CNPY2: variants seen among roughly 807,000 people sequenced by gnomAD.
CNPY2 encodes the protein protein canopy homolog 2.
Under a neutral mutation model 25.5 loss-of-function variants are expected in CNPY2, and 19 were observed. The ratio of observed to expected loss-of-function variants is 0.74; its 90% CI spans 0.52 to 1.09. The LOEUF (loss-of-function observed/expected upper bound fraction) is 1.09, where lower values mean the gene tolerates loss of function less well. Ranked by LOEUF, CNPY2 falls within the 50% of genes least tolerant of loss-of-function variation. The probability of loss-of-function intolerance (pLI) is 0.00; values close to 1 mark genes in which losing one functional copy is unlikely to be tolerated. For synonymous variants in CNPY2, 82 were observed against 85.0 expected, an observed-to-expected ratio of 0.96 and a Z score of 0.19; for missense variants, 214 against 233.6, an observed-to-expected ratio of 0.92 and a Z score of 0.55.
chr12:56,310,661 A>G, intron 5 of CNPY2, 66 bp from the exon 6 acceptor site: 1 of 1,556,818 alleles, frequency 6.4e-7, no homozygotes, highest in Non-Finnish European at 8.9e-7. Context: ...GTATCAAGAA[A>G]ATTTCCCAGA....
intron 3 of CNPY2, among the ~76,000 whole-genome samples, chr12:56,313,896 G>A (rs553403655): frequency 2.7e-5 from 4 of 149,332 alleles, no homozygotes; most frequent in South Asian, 2.1e-4. Flanking sequence ...GTGAGCCACC[G>A]CGCCCGGCCT....
Position 56,310,522 on chromosome 12 carries a change from C to T in CNPY2, c.*30G>A. 1 of 1,612,086 alleles carries T rather than the reference C, an allele frequency of 6.2e-7. No individual in the cohort carries two copies. The highest frequency in any genetic ancestry group is 8.5e-7 in the Non-Finnish European group (1 of 1,178,106). ...CCATTTTCCCCTCCTGGGGGTGATC[C>T]ATCAAGCCAGTGTGGGCTGCTCCAG... On this transcript the variant is annotated 3_prime_UTR_variant, in exon 6 of 6. Transcript: ENST00000273308.
rs558834553 is a variant in CNPY2, at chr12:56,313,536, G to A, written c.204+1315C>T. ...GTTTAAATTGAGACTAATATCCTCA[G>A]TAAGCACAGTATTAAAGATGTAGTG... On this transcript the variant is annotated intron_variant, in intron 3 of 5. Coordinates refer to ENST00000273308, the MANE Select transcript of CNPY2 (RefSeq NM_014255.7). Among the ~76,000 whole-genome samples the A allele has an allele frequency of 2.3e-3, 350 of 151,912 alleles. 3 individuals are homozygous for A. The highest frequency in any genetic ancestry group is 7.4e-4 in the Non-Finnish European group (50 of 67,970).
chr12:56,311,105 G>A (rs1310782965), intron 4 of CNPY2, 51 bp from the exon 5 acceptor site: 1 of 1,602,470 alleles, frequency 6.2e-7, no homozygotes, highest in African/African-American at 1.3e-5. Flanking sequence ...GAGGCCTCTT[G>A]CCTTCACTTC....
chr12:56,311,895 T>A (rs559119438), intron 3 of CNPY2: 9 of 160,846 alleles, frequency 5.6e-5, no homozygotes, highest in African/African-American at 1.9e-4. Context: ...TTATTTATTT[T>A]TTTGAGACGG....
rs1236086267 is a variant in CNPY2 at position 56,310,091 on chromosome 12, TCTTA to T, written c.*457_*460del. Reference sequence around the variant, plus strand: ...TTATTTCCTTCAAGACCAAGCCCTGTCTTACTTTATGTTTCAACAGCCATGAACA... The same window carrying T: ...TTATTTCCTTCAAGACCAAGCCCTGTCTTTATGTTTCAACAGCCATGAACA... On this transcript the variant is annotated 3_prime_UTR_variant, in exon 6 of 6. Transcript: ENST00000273308. 3.0e-6 allele frequency: 2 copies of T among 661,420 alleles called. No homozygotes were observed. The highest frequency in any genetic ancestry group is 1.8e-5 in the African/African-American group (1 of 55,834). 41.0% of individuals were successfully genotyped at this position (661,420 alleles called of 1,614,324 possible).
Position 56,310,039 on chromosome 12 carries a change from C to A in CNPY2, c.*513G>T. 1 of 699,648 alleles carries A rather than the reference C, an allele frequency of 1.4e-6. No individual in the cohort carries two copies. The allele number at this position is 699,648 out of a possible 1,614,324, so 43.3% of individuals were successfully genotyped here. A position where few individuals can be genotyped will look rare whatever the true frequency, so the allele number is the denominator to read the frequency against. On this transcript the variant is annotated 3_prime_UTR_variant, in exon 6 of 6. Transcript: ENST00000273308. ...TTGCTGGTCCCTCCATCTGGATGGGCAGGGAAGGAAGAATAATGCATATCC... is the reference window on the plus strand; with the variant it reads ...TTGCTGGTCCCTCCATCTGGATGGGAAGGGAAGGAAGAATAATGCATATCC...
At chr12:56,311,138 A>G (rs1873703862) in intron 4 of CNPY2, 73 bp downstream of exon 4, 1 of 1,603,698 alleles carries the variant, frequency 6.2e-7, no homozygotes, top group Non-Finnish European at 8.5e-7. Flanking sequence ...CAAGGATATC[A>G]GCCTAACTTT....
intron 2 of CNPY2, 44 bp downstream of exon 2, chr12:56,315,086 C>G (rs1461476862): frequency 6.2e-7 from 1 of 1,605,608 alleles, no homozygotes; most frequent in Non-Finnish European, 8.5e-7. Context: ...CATGCCCTCC[C>G]AAGGCTCTGC....
Position 56,311,246 on chromosome 12 carries a change from T to C in CNPY2, c.373A>G (p.Ile125Val). ...SSELDLQGIR[I>V]DSDISGTLKF... is the part of the protein sequence containing the mutation. ...AGGGTGCCGCTAATATCTGAGTCGA[T>C]TCGGATGCCTTGTAGGTCCAGTTCA... Residue 125 changes from isoleucine (I) to valine (V), a missense_variant, in exon 4 of 6, where the codon ATC becomes GTC. Transcript: ENST00000273308. 6.2e-7 allele frequency: 1 copy of C among 1,614,150 alleles called. No homozygotes were observed. Among genetic ancestry groups the C allele is most frequent in the Non-Finnish European group, 8.5e-7 (1 of 1,180,012 alleles).
intron 5 of CNPY2, 41 bp downstream of exon 5, chr12:56,310,917 A>G (rs1353984082): frequency 6.4e-7 from 1 of 1,568,726 alleles, no homozygotes; most frequent in South Asian, 1.1e-5. Flanking sequence ...GTCAGGTTCC[A>G]CAGAGCTACT....
intron 5 of CNPY2, among the ~76,000 whole-genome samples, 179 bp from the exon 6 acceptor site, chr12:56,310,774 G>A (rs1193427842): frequency 6.6e-6 from 1 of 152,132 alleles, no homozygotes; most frequent in African/African-American, 2.4e-5. Context: ...AGGGTCAAGG[G>A]GACACAAATT....
chr12:56,311,444 T>A, intron 3 of CNPY2, 30 bp from the exon 4 acceptor site: 1 of 1,592,154 alleles, frequency 6.3e-7, no homozygotes, highest in Non-Finnish European at 8.6e-7. Context: ...TGGGTCACTC[T>A]CTTCTACCTC....
At position 56,315,935 on chromosome 12, in the gene CNPY2, A is replaced by G. The variant is rs1873922425; in HGVS notation, c.-140T>C. 6.6e-6 allele frequency: 1 copy of G among 152,304 alleles called. No individual in the cohort carries two copies. The highest frequency in any genetic ancestry group is 2.1e-4 in the South Asian group (1 of 4,840). 9.4% of individuals were successfully genotyped at this position (152,304 alleles called of 1,614,324 possible). A position where few individuals can be genotyped will look rare whatever the true frequency, so the allele number is the denominator to read the frequency against. On this transcript the variant is annotated 5_prime_UTR_variant, in exon 1 of 6. Coordinates refer to ENST00000273308, the MANE Select transcript of CNPY2 (RefSeq NM_014255.7). Reference sequence around the variant, plus strand: ...GCTGCAGGGAGCAGGGCTGTCCGGGATTCTCCAGAGCGCTTCGCCGCCTGC... The same window carrying G: ...GCTGCAGGGAGCAGGGCTGTCCGGGGTTCTCCAGAGCGCTTCGCCGCCTGC...
intron 3 of CNPY2, chr12:56,314,545 G>A: frequency 8.4e-7 from 1 of 1,193,316 alleles, no homozygotes. Context: ...CTCAGATTTT[G>A]AACGGATGTT....
intron 5 of CNPY2, 82 bp downstream of exon 5, chr12:56,310,876 G>A (rs1044429919): frequency 4.7e-6 from 6 of 1,274,726 alleles, no homozygotes; most frequent in Non-Finnish European, 5.6e-6. Context: ...AGAGGTTTCT[G>A]GGATGGGGGT....
At position 56,311,335 on chromosome 12, in the gene CNPY2, T is replaced by C; in HGVS notation, c.284A>G (p.Gln95Arg). 5.6e-6 allele frequency: 9 copies of C among 1,614,198 alleles called. No homozygotes were observed. Among genetic ancestry groups the C allele is most frequent in the Non-Finnish European group, 7.6e-6 (9 of 1,180,040 alleles). The stretch of plus-strand genomic sequence containing the variant: ...CTTGCGATGGGTGGAAGGATCAATC[T>C]GTTCCCCATACTCCTTCATCCGGTC... ...ICDRMKEYGE[Q>R]IDPSTHRKNY... The change falls in exon 4 of 6, where the codon CAG becomes CGG. Residue 95 changes from glutamine (Q) to arginine (R), a missense_variant. By Grantham distance (43) the Gln-to-Arg change is conservative. Coordinates refer to ENST00000273308, the MANE Select transcript of CNPY2 (RefSeq NM_014255.7).
Position 56,310,428 on chromosome 12 carries a change from TTTGTAC to T in CNPY2, c.*118_*123del. 1 of 933,772 alleles carries T rather than the reference TTTGTAC, an allele frequency of 1.1e-6. No individual in the cohort carries two copies. Among genetic ancestry groups the T allele is most frequent in the Non-Finnish European group, 1.7e-6 (1 of 586,732 alleles). The allele number at this position is 933,772 out of a possible 1,614,324, so 57.8% of individuals were successfully genotyped here. A position where few individuals can be genotyped will look rare whatever the true frequency, so the allele number is the denominator to read the frequency against. On this transcript the variant is annotated 3_prime_UTR_variant, in exon 6 of 6. Transcript: ENST00000273308. The stretch of plus-strand genomic sequence containing the variant: ...TTCCAGGCATGAAAAGACAACACAG[TTTGTAC>T]TTTTGGTTTCATATTTTTTCAGTTA...
chr12:56,310,903 G>T, intron 5 of CNPY2, 55 bp downstream of exon 5: 1 of 1,493,834 alleles, frequency 6.7e-7, no homozygotes, highest in Non-Finnish European at 9.3e-7. Flanking sequence ...GTGAGTTAGG[G>T]AATGTCAGGT....
Sources: allele counts gnomAD v4.1 joint callset (sites outside exome capture counted in the v4.1 genomes callset), GRCh38; gene constraint gnomAD v4.1.1; transcripts MANE v1.5; gene names NCBI Gene and HGNC (gene_info 2026-07-23, HGNC 2026-07-21).